Variants in INHBC observed in about 807,000 individuals in gnomAD.
INHBC encodes inhibin subunit beta C.
A neutral mutation model predicts 12.4 loss-of-function variants in INHBC; 10 were observed. The observed-to-expected ratio is 0.81, with a 90% confidence interval of 0.50 to 1.37. The LOEUF is 1.37. Ranked by LOEUF, INHBC falls within the 40% of genes most tolerant of loss-of-function variation. The pLI, the probability that INHBC is intolerant of heterozygous loss-of-function variation, is 0.00. For synonymous variants in INHBC, 147 were observed against 171.6 expected, an observed-to-expected ratio of 0.86 and a Z score of 1.12; for missense variants, 382 against 439.4, an observed-to-expected ratio of 0.87 and a Z score of 1.17.
chr12:57,448,233 T>C (rs903965576), intron 1 of INHBC, among the ~76,000 whole-genome samples: 2 of 151,968 alleles, frequency 1.3e-5, no homozygotes, highest in East Asian at 3.9e-4. Context: ...ATATGCAAAA[T>C]GCTCTGGTCT....
Position 57,435,080 on chromosome 12 carries a change from G to T in INHBC, c.194G>T (p.Arg65Leu). The change falls in exon 1 of 2, where the codon CGC (arginine) becomes CTC (leucine). Residue 65 changes from arginine to leucine, a missense_variant. Coordinates refer to ENST00000309668, the MANE Select transcript of INHBC (RefSeq NM_005538.4). ...CTCACCCAGCGCCCAACACTGAACC[G>T]CCCTGTGTCCAGAGCTGCTTTGAGG... is the stretch of plus-strand genomic sequence containing the variant. ...LHLTQRPTLN[R>L]PVSRAALRTA... 6.2e-7 allele frequency: 1 copy of T among 1,614,164 alleles called. No homozygotes were observed. The highest frequency in any genetic ancestry group is 8.5e-7 in the Non-Finnish European group (1 of 1,180,044).
At chr12:57,447,922 TAA>T (rs201757757) in intron 1 of INHBC, among the ~76,000 whole-genome samples, 3,540 of 75,430 alleles carry the variant, frequency 0.047, 119 homozygotes, top group Admixed American at 0.072. Context: ...TATATATATA[TAA>T]AATATATGTG....
chr12:57,443,113 C>CTTTTTTTTT (rs34935222), intron 1 of INHBC, among the ~76,000 whole-genome samples: 2 of 72,398 alleles, frequency 2.8e-5, no homozygotes, highest in Non-Finnish European at 4.8e-5. Flanking sequence ...ATAAAGCACT[C>CTTTTTTTTT]TTTTTTTTTT....
intron 1 of INHBC, among the ~76,000 whole-genome samples, chr12:57,437,454 G>A (rs1184187675): frequency 6.6e-6 from 1 of 151,878 alleles, no homozygotes; most frequent in Admixed American, 6.6e-5. Flanking sequence ...CAGATCACAA[G>A]GTCAGGAGAT....
intron 1 of INHBC, among the ~76,000 whole-genome samples, chr12:57,442,479 CTT>C (rs1314844501): frequency 1.3e-5 from 2 of 152,126 alleles, no homozygotes; most frequent in East Asian, 1.9e-4. Flanking sequence ...CAGTCAGACT[CTT>C]TTAGGATTTT....
intron 1 of INHBC, among the ~76,000 whole-genome samples, chr12:57,441,381 C>T (rs1205707112): frequency 1.5e-5 from 2 of 130,600 alleles, no homozygotes; most frequent in Admixed American, 8.1e-5. Context: ...AAAAAAAAGC[C>T]AGGTGTGGTG....
chr12:57,450,305 A>C lies in INHBC; in HGVS notation c.*283A>C. ...CAGGGACTCAGACCCATCTCCAACCATGAGCAATGCCATCTGGTTCCCAGG... is the reference window on the plus strand; with the variant it reads ...CAGGGACTCAGACCCATCTCCAACCCTGAGCAATGCCATCTGGTTCCCAGG... On this transcript the variant is annotated 3_prime_UTR_variant, in exon 2 of 2. Transcript: ENST00000309668. 3.5e-6 allele frequency: 1 copy of C among 283,446 alleles called. No individual in the cohort carries two copies. The highest frequency in any genetic ancestry group is 6.6e-6 in the Non-Finnish European group (1 of 152,042). The allele number at this position is 283,446 out of a possible 1,614,324, so 17.6% of individuals were successfully genotyped here. A position where few individuals can be genotyped will look rare whatever the true frequency, so the allele number is the denominator to read the frequency against.
chr12:57,437,484 A>G (rs756005586), intron 1 of INHBC, among the ~76,000 whole-genome samples: 98 of 151,862 alleles, frequency 6.5e-4, no homozygotes, highest in Non-Finnish European at 1.1e-3. Flanking sequence ...CCTGGCTAAC[A>G]TGGTGAAACC....
rs1433086620 is a variant in INHBC, at chr12:57,451,923, G to GA, written c.*1901_*1902insA. On this transcript the variant is annotated 3_prime_UTR_variant, in exon 2 of 2. Transcript: ENST00000309668. ...CAAAGTGAGTCATTCACCTGGGGGGGCTAAATTTTAAGGGGGTGGTGAACA... is the reference window on the plus strand; with the variant it reads ...CAAAGTGAGTCATTCACCTGGGGGGGACTAAATTTTAAGGGGGTGGTGAACA... The GA allele has an allele frequency of 6.9e-6, 3 of 431,698 alleles. No homozygotes were observed. Among genetic ancestry groups the GA allele is most frequent in the African/African-American group, 6.2e-5 (3 of 48,606 alleles). The allele number at this position is 431,698 out of a possible 1,614,324, so 26.7% of individuals were successfully genotyped here.
Position 57,449,912 on chromosome 12 carries a change from T to C in INHBC, c.949T>C (p.Cys317Arg). The change falls in exon 2 of 2, where the codon TGT (cysteine) becomes CGT (arginine). Residue 317 changes from cysteine (C) to arginine (R), a missense_variant. Physicochemically the swap from Cys to Arg is radical, Grantham distance 180 (BLOSUM62 -3). Transcript: ENST00000309668. ...AGGCACCACTGGAGGGGGCTCATGCTGTGTACCCACGGCCCGGCGCCCCCT... is the reference window on the plus strand; with the variant it reads ...AGGCACCACTGGAGGGGGCTCATGCCGTGTACCCACGGCCCGGCGCCCCCT... ...AAGTTGGGSCCVPTARRPLSL... is the reference protein window; with the variant it reads ...AAGTTGGGSCRVPTARRPLSL... 1 of 1,606,614 alleles carries C rather than the reference T, an allele frequency of 6.2e-7. No individual in the cohort carries two copies. Among genetic ancestry groups the C allele is most frequent in the Non-Finnish European group, 8.5e-7 (1 of 1,175,544 alleles).
intron 1 of INHBC, 54 bp from the exon 2 acceptor site, chr12:57,449,223 T>G (rs1870651055): frequency 6.4e-7 from 1 of 1,557,278 alleles, no homozygotes; most frequent in East Asian, 2.2e-5. Context: ...GAGAAATAGT[T>G]GGTAGAACTG....
At chr12:57,438,747 C>T (rs1870400871) in intron 1 of INHBC, among the ~76,000 whole-genome samples, 1 of 152,158 alleles carries the variant, frequency 6.6e-6, no homozygotes, top group Non-Finnish European at 1.5e-5. Context: ...AAAGTCTGCC[C>T]TCTGACCCCT....
At chr12:57,442,313 T>C (rs2928383) in intron 1 of INHBC, among the ~76,000 whole-genome samples, 149,191 of 152,300 alleles carry the variant, frequency 0.98, 73,157 homozygotes, top group Middle Eastern at 1. Flanking sequence ...CAGCACAAAG[T>C]CATGAATACT....
At chr12:57,445,716 C>A (rs539482602) in intron 1 of INHBC, among the ~76,000 whole-genome samples, 10 of 144,588 alleles carry the variant, frequency 6.9e-5, no homozygotes, top group Non-Finnish European at 9.1e-5. Context: ...TAGTGAGACC[C>A]CCCGCCCATC....
chr12:57,449,435 C>T lies in INHBC; in HGVS notation c.472C>T (p.His158Tyr), dbSNP rs1283546948. The T allele has an allele frequency of 6.2e-7, 1 of 1,614,180 alleles. No individual in the cohort carries two copies. The highest frequency in any genetic ancestry group is 8.5e-7 in the Non-Finnish European group (1 of 1,180,034). The stretch of plus-strand genomic sequence containing the variant: ...AGTGAGAGTCCTTGTGCTGGGTCCA[C>T]ATAATACCAACCTCACCTTGGCTAC... ...LKVRVLVLGPHNTNLTLATQY... is the reference protein window; with the variant it reads ...LKVRVLVLGPYNTNLTLATQY... The change falls in exon 2 of 2, where the codon CAT (histidine) becomes TAT (tyrosine). Residue 158 changes from histidine (H) to tyrosine (Y), a missense_variant. By Grantham distance (83) the His-to-Tyr change is moderately conservative. Transcript: ENST00000309668.
intron 1 of INHBC, among the ~76,000 whole-genome samples, chr12:57,446,699 G>T (rs11830547): frequency 0.055 from 8,277 of 151,826 alleles, 633 homozygotes; most frequent in African/African-American, 0.18. Flanking sequence ...TTGCCAAGTT[G>T]TCCAGGCTGA....
At chr12:57,445,537 G>T (rs956188536) in intron 1 of INHBC, among the ~76,000 whole-genome samples, 1 of 152,100 alleles carries the variant, frequency 6.6e-6, no homozygotes, top group Non-Finnish European at 1.5e-5. Flanking sequence ...ATGCGTTTAT[G>T]GGGAGAAGTT....
intron 1 of INHBC, among the ~76,000 whole-genome samples, chr12:57,447,922 T>A (rs187367015): frequency 0.014 from 1,054 of 75,478 alleles, 30 homozygotes; most frequent in African/African-American, 0.046. Context: ...TATATATATA[T>A]AAAATATATG....
At chr12:57,437,256 A>G (rs573110480) in intron 1 of INHBC, among the ~76,000 whole-genome samples, 50 of 152,092 alleles carry the variant, frequency 3.3e-4, no homozygotes, top group African/African-American at 1.2e-3. Context: ...TCTAAAATTA[A>G]TTAATTAAAG....
Sources: allele counts gnomAD v4.1 joint callset (sites outside exome capture counted in the v4.1 genomes callset), GRCh38; gene constraint gnomAD v4.1.1; transcripts MANE v1.5; gene names NCBI Gene and HGNC (gene_info 2026-07-23, HGNC 2026-07-21).